The following CCSER1 variants were observed in gnomAD, a reference collection of about 807,000 sequenced individuals.
The protein encoded by CCSER1 is coiled-coil serine rich protein 1.
A neutral mutation model predicts 82.0 loss-of-function variants in CCSER1; 41 were observed. That is an observed-to-expected ratio of 0.50 (90% CI 0.39 to 0.65). The LOEUF (loss-of-function observed/expected upper bound fraction) is 0.65. Ranked by LOEUF, CCSER1 falls within the 30% of genes least tolerant of loss-of-function variation. The pLI is 0.00. For missense variants in CCSER1, 1,119 were observed against 1,064.2 expected, an observed-to-expected ratio of 1.05 and a Z score of -0.72; for synonymous variants, 414 against 383.9, an observed-to-expected ratio of 1.08 and a Z score of -0.92.
At chr4:91,574,691 T>G (rs1258491420) in intron 10 of CCSER1, among the ~76,000 whole-genome samples, 1 of 151,840 alleles carries the variant, frequency 6.6e-6, no homozygotes, top group Non-Finnish European at 1.5e-5. Flanking sequence ...GAGCTAAACA[T>G]CATGGGCATA....
chr4:90,474,038 G>A (rs1723393712), intron 5 of CCSER1, among the ~76,000 whole-genome samples: 1 of 152,004 alleles, frequency 6.6e-6, no homozygotes, highest in Admixed American at 6.5e-5. Context: ...CTACTTGAGA[G>A]GCTGAGGCAG....
At chr4:90,932,581 C>T (rs568518841) in intron 9 of CCSER1, among the ~76,000 whole-genome samples, 2 of 151,976 alleles carry the variant, frequency 1.3e-5, no homozygotes, top group East Asian at 3.9e-4. Context: ...TTAATTGCAG[C>T]ACTTTGGTGG....
chr4:91,283,228 G>T (rs1017387107), intron 10 of CCSER1, among the ~76,000 whole-genome samples: 2 of 151,970 alleles, frequency 1.3e-5, no homozygotes, highest in African/African-American at 4.8e-5. Flanking sequence ...ATTTAGATGT[G>T]TTCATTCTAA....
At chr4:91,569,163 T>G (rs1413424414) in intron 10 of CCSER1, among the ~76,000 whole-genome samples, 1 of 152,178 alleles carries the variant, frequency 6.6e-6, no homozygotes, top group African/African-American at 2.4e-5. Flanking sequence ...AGTTGGCACA[T>G]GGGCTTATTG....
chr4:91,424,834 TGTGA>T (rs368409545), intron 10 of CCSER1, among the ~76,000 whole-genome samples: 5 of 152,198 alleles, frequency 3.3e-5, no homozygotes, highest in African/African-American at 1.2e-4. Context: ...GTTTAATTGG[TGTGA>T]GTATGTAGAA....
rs1782872411 is a variant in CCSER1 at position 90,592,831 on chromosome 4, A to G, written c.1725-35194A>G. On this transcript the variant is annotated intron_variant, in intron 5 of 10. Transcript: ENST00000509176. Reference sequence around the variant, plus strand: ...CTGGGCTATGTGATACATTTGGAAAAGCATGAGGTTTGAAGTTCAGACTTC... The same window carrying G: ...CTGGGCTATGTGATACATTTGGAAAGGCATGAGGTTTGAAGTTCAGACTTC... Among the ~76,000 whole-genome samples the G allele has an allele frequency of 1.3e-5, 2 of 152,140 alleles. 1 individual carries two copies. Among genetic ancestry groups the G allele is most frequent in the South Asian group, 4.1e-4 (2 of 4,824 alleles).
intron 5 of CCSER1, among the ~76,000 whole-genome samples, chr4:90,480,505 T>C (rs1326731346): frequency 6.6e-6 from 1 of 152,138 alleles, no homozygotes; most frequent in Non-Finnish European, 1.5e-5. Flanking sequence ...GTTTTTATGG[T>C]TTTAGGTCTA....
intron 1 of CCSER1, among the ~76,000 whole-genome samples, chr4:90,146,990 T>C (rs1434638203): frequency 6.6e-6 from 1 of 152,152 alleles, no homozygotes; most frequent in East Asian, 1.9e-4. Flanking sequence ...TTTCTTCTAA[T>C]TGTCTTCAGG....
chr4:90,178,432 T>C (rs533684310), intron 1 of CCSER1, among the ~76,000 whole-genome samples: 1 of 152,274 alleles, frequency 6.6e-6, no homozygotes, highest in Non-Finnish European at 1.5e-5. Context: ...CCACATACTT[T>C]TATATTGGCT....
intron 1 of CCSER1, among the ~76,000 whole-genome samples, chr4:90,228,815 G>A (rs542863009): frequency 2.3e-4 from 35 of 152,302 alleles, no homozygotes; most frequent in African/African-American, 7.9e-4. Flanking sequence ...CGAGAACTAC[G>A]TGAAGAATGC....
chr4:90,653,072 T>C (rs1322040247), intron 6 of CCSER1, among the ~76,000 whole-genome samples: 1 of 152,266 alleles, frequency 6.6e-6, no homozygotes, highest in East Asian at 1.9e-4. Flanking sequence ...GCCATCTTTC[T>C]TACCAGACAA....
intron 10 of CCSER1, among the ~76,000 whole-genome samples, chr4:91,117,528 T>G (rs1458955851): frequency 6.6e-6 from 1 of 152,260 alleles, no homozygotes; most frequent in Non-Finnish European, 1.5e-5. Context: ...AATTACTTTA[T>G]GTACTTCAAT....
intron 7 of CCSER1, among the ~76,000 whole-genome samples, chr4:90,731,650 A>G (rs909461794): frequency 6.6e-6 from 1 of 152,184 alleles, no homozygotes; most frequent in African/African-American, 2.4e-5. Flanking sequence ...TATAAAAATC[A>G]TTTTAAATAA....
At chr4:91,289,724 G>A (rs1315833163) in intron 10 of CCSER1, among the ~76,000 whole-genome samples, 1 of 151,736 alleles carries the variant, frequency 6.6e-6, no homozygotes, top group Admixed American at 6.6e-5. Context: ...AAGGAGCTGT[G>A]GAAAAATATC....
At chr4:90,224,401 G>C (rs1742740517) in intron 1 of CCSER1, among the ~76,000 whole-genome samples, 1 of 152,200 alleles carries the variant, frequency 6.6e-6, no homozygotes, top group Non-Finnish European at 1.5e-5. Context: ...TACTCGGGGT[G>C]CTGCATTGTA....
In CCSER1 at chr4:91,245,197, G is replaced by A. The variant is rs147108499; in HGVS notation, c.2217+159203G>A. On this transcript the variant is annotated intron_variant, in intron 10 of 10. Transcript: ENST00000509176. ...AAGAGTAATTGGTTTTAAAGAGGAG[G>A]TAGAGAAAGATATAGTGGTATAAAG... Among the ~76,000 whole-genome samples the A allele has an allele frequency of 2.0e-5, 3 of 152,218 alleles. No individual in the cohort carries two copies. In the East Asian group the frequency reaches 5.8e-4, roughly 29 times the overall value.
chr4:90,697,304 C>G (rs908253426), intron 6 of CCSER1, among the ~76,000 whole-genome samples: 1 of 152,072 alleles, frequency 6.6e-6, no homozygotes, highest in Non-Finnish European at 1.5e-5. Context: ...CAGAAGCCTG[C>G]GCAAGATTGT....
chr4:90,299,653 C>T (rs1323712655), intron 1 of CCSER1, among the ~76,000 whole-genome samples: 1 of 152,006 alleles, frequency 6.6e-6, no homozygotes, highest in Non-Finnish European at 1.5e-5. Context: ...AAAGTGCCTC[C>T]ATTATTTTCC....
chr4:90,745,382 A>G (rs879763386), intron 7 of CCSER1, among the ~76,000 whole-genome samples: 3 of 152,228 alleles, frequency 2.0e-5, no homozygotes, highest in Non-Finnish European at 4.4e-5. Flanking sequence ...AAATTCTATT[A>G]CAAGGTTGGC....
Sources: allele counts gnomAD v4.1 joint callset (sites outside exome capture counted in the v4.1 genomes callset), GRCh38; gene constraint gnomAD v4.1.1; transcripts MANE v1.5; gene names NCBI Gene and HGNC (gene_info 2026-07-23, HGNC 2026-07-21).